Variants in NEK4 observed in about 807,000 individuals in gnomAD.
NEK4 encodes the protein serine/threonine-protein kinase Nek4.
NEK4 carries 86 observed loss-of-function variants against 98.4 expected under a neutral mutation model. The ratio of observed to expected loss-of-function variants is 0.87; its 90% CI spans 0.73 to 1.05. NEK4 has a LOEUF of 1.05. Ranked by LOEUF, NEK4 falls within the 50% of genes least tolerant of loss-of-function variation. NEK4 has a pLI of 0.00. For missense variants in NEK4, 898 were observed against 950.3 expected (o/e 0.94, Z 0.72); for synonymous variants, 328 against 342.2 (o/e 0.96, Z 0.46).
intron 8 of NEK4, among the ~76,000 whole-genome samples, chr3:52,748,503 T>C (rs2097400133): frequency 6.6e-6 from 1 of 152,230 alleles, no homozygotes. Flanking sequence ...TAACTTTTCA[T>C]AGGTTTTCCA....
At chr3:52,722,518 C>T (rs561108016) in intron 15 of NEK4, among the ~76,000 whole-genome samples, 58 of 152,108 alleles carry the variant, frequency 3.8e-4, no homozygotes, top group Non-Finnish European at 4.4e-5. Flanking sequence ...CAAAAAACCA[C>T]AAGACATAAA....
chr3:52,758,914 C>T (rs1219769341), intron 6 of NEK4, among the ~76,000 whole-genome samples: 2 of 151,420 alleles, frequency 1.3e-5, no homozygotes, highest in African/African-American at 4.9e-5. Context: ...ATAGTGAGAC[C>T]CACCTCTACA....
intron 7 of NEK4, 58 bp from the exon 8 acceptor site, chr3:52,749,887 A>G (rs1326199899): frequency 6.4e-6 from 1 of 155,680 alleles, no homozygotes; most frequent in African/African-American, 2.4e-5. Context: ...CATTAGGGAG[A>G]TGCAAATCAC....
At chr3:52,756,401 TAGACATA>T (rs1413654566) in intron 6 of NEK4, among the ~76,000 whole-genome samples, 2 of 152,106 alleles carry the variant, frequency 1.3e-5, no homozygotes, top group South Asian at 4.1e-4. Flanking sequence ...AAACAGACAT[TAGACATA>T]GAAACCAATG....
intron 7 of NEK4, among the ~76,000 whole-genome samples, chr3:52,750,994 A>C (rs547262100): frequency 6.6e-6 from 1 of 152,280 alleles, no homozygotes; most frequent in East Asian, 1.9e-4. Context: ...ATCATAGATA[A>C]ACCTTGAAAA....
intron 15 of NEK4, among the ~76,000 whole-genome samples, chr3:52,731,253 A>G (rs2097369363): frequency 6.6e-6 from 1 of 152,226 alleles, no homozygotes; most frequent in Non-Finnish European, 1.5e-5. Context: ...ATTTACAAAC[A>G]TACTTTTCTT....
At chr3:52,756,971 G>A (rs973739480) in intron 6 of NEK4, among the ~76,000 whole-genome samples, 1 of 152,098 alleles carries the variant, frequency 6.6e-6, no homozygotes, top group Non-Finnish European at 1.5e-5. Flanking sequence ...CAAAAAGATA[G>A]CAAACGGCCA....
intron 6 of NEK4, among the ~76,000 whole-genome samples, chr3:52,759,285 C>T (rs1240100778): frequency 6.6e-6 from 1 of 151,668 alleles, no homozygotes; most frequent in Non-Finnish European, 1.5e-5. Context: ...GCTGTGGTCC[C>T]AGCTACTCAG....
intron 15 of NEK4, among the ~76,000 whole-genome samples, chr3:52,729,164 CT>C (rs2097367278): frequency 6.6e-6 from 1 of 152,130 alleles, no homozygotes; most frequent in African/African-American, 2.4e-5. Flanking sequence ...ACCCCCTCCC[CT>C]TTTGAAATCC....
rs919054678 is a variant in NEK4, at chr3:52,766,236, A to G, written c.500T>C (p.Ile167Thr). 13 of 1,614,040 alleles carry G rather than the reference A, an allele frequency of 8.1e-6. No individual in the cohort carries two copies. Among genetic ancestry groups the G allele is most frequent in the African/African-American group, 5.3e-5 (4 of 74,920 alleles). ...ENHCDMASTLIGTPYYMSPEL... is the reference protein window; with the variant it reads ...ENHCDMASTLTGTPYYMSPEL... ...AGGGCTCATGTAGTAGGGTGTGCCAATGAGGGTGCTAGCCATGTCACAGTG... is the reference window on the plus strand; with the variant it reads ...AGGGCTCATGTAGTAGGGTGTGCCAGTGAGGGTGCTAGCCATGTCACAGTG... The change falls in exon 3 of 16, where the codon ATT becomes ACT. Residue 167 changes from isoleucine (I) to threonine (T), a missense_variant. Transcript: ENST00000233027.
rs1285158174 is a variant in NEK4 at position 52,761,019 on chromosome 3, C to A, written c.822-83G>T. On this transcript the variant is annotated intron_variant, in intron 5 of 15. Coordinates refer to ENST00000233027, the MANE Select transcript of NEK4 (RefSeq NM_003157.6). ...AGGTATATGTGGGAGTGTGTGTATA[C>A]AATGAATTCCCTTACAGAACTGCAC... The A allele has an allele frequency of 4.7e-6, 4 of 850,430 alleles. No individual in the cohort carries two copies. In the Admixed American group the frequency reaches 9.8e-5, roughly 21 times the overall value. The allele number at this position is 850,430 out of a possible 1,614,324, so 52.7% of individuals were successfully genotyped here. A position where few individuals can be genotyped will look rare whatever the true frequency, so the allele number is the denominator to read the frequency against.
chr3:52,724,027 G>C (rs2154102366), intron 15 of NEK4, among the ~76,000 whole-genome samples: 1 of 152,230 alleles, frequency 6.6e-6, no homozygotes, highest in East Asian at 1.9e-4. Flanking sequence ...GAGGTCAGGA[G>C]TTCAAGACCA....
At chr3:52,720,772 A>G (rs1302059413) in intron 15 of NEK4, among the ~76,000 whole-genome samples, 1 of 152,264 alleles carries the variant, frequency 6.6e-6, no homozygotes, top group African/African-American at 2.4e-5. Flanking sequence ...AGTGAAGTTC[A>G]TCAAGCTAAA....
chr3:52,717,234 C>T (rs1055209863), intron 15 of NEK4, among the ~76,000 whole-genome samples: 3 of 151,866 alleles, frequency 2.0e-5, no homozygotes, highest in African/African-American at 7.3e-5. Context: ...ATGGTGAAAC[C>T]GCATCTCTAC....
chr3:52,752,917 A>AT (rs1553616670), intron 6 of NEK4, among the ~76,000 whole-genome samples: 1,033 of 83,842 alleles, frequency 0.012, 39 homozygotes, highest in African/African-American at 0.017. Flanking sequence ...AAAAAAAAAA[A>AT]ATATATATAT....
chr3:52,710,898 T>C lies in NEK4; in HGVS notation c.*879A>G, dbSNP rs905763987. 5 of 152,478 alleles carry C rather than the reference T, an allele frequency of 3.3e-5. No individual in the cohort carries two copies. Among genetic ancestry groups the C allele is most frequent in the African/African-American group, 1.2e-4 (5 of 41,464 alleles). The allele number at this position is 152,478 out of a possible 1,614,324, so 9.4% of individuals were successfully genotyped here. On this transcript the variant is annotated 3_prime_UTR_variant, in exon 16 of 16. Transcript: ENST00000233027. ...TTTCCTAGATGGGTATTACCTCTTA[T>C]TAAACAACTAATAAAATATGTGCTA...
At position 52,763,471 on chromosome 3, in the gene NEK4, T is replaced by C. The variant is rs149674873; in HGVS notation, c.820A>G (p.Ile274Val). Residue 274 changes from isoleucine to valine, a missense_variant and splice_region_variant, in exon 5 of 16, where the codon ATA becomes GTA. Ile to Val is a conservative substitution (Grantham distance 29). Coordinates refer to ENST00000233027, the MANE Select transcript of NEK4 (RefSeq NM_003157.6). ...CTATTTGCAAGGGAAGTATCTTACATCTTTGTGGCCTCCAAAAAGAAGGAG... is the reference window on the plus strand; with the variant it reads ...CTATTTGCAAGGGAAGTATCTTACACCTTTGTGGCCTCCAAAAAGAAGGAG... Reference protein sequence around the residue: ...QISFFLEATKIKTSKNNIKNG... With the variant: ...QISFFLEATKVKTSKNNIKNG... 601 of 1,612,736 alleles carry C rather than the reference T, an allele frequency of 3.7e-4. No homozygotes were observed. The highest frequency in any genetic ancestry group is 4.9e-4 in the Non-Finnish European group (573 of 1,179,492).
At chr3:52,751,455 CAAA>C (rs11426928) in intron 7 of NEK4, among the ~76,000 whole-genome samples, 7 of 125,556 alleles carry the variant, frequency 5.6e-5, no homozygotes, top group African/African-American at 1.2e-4. Context: ...GACTCTGTCT[CAAA>C]AAAAAAAAAA....
At chr3:52,741,548 A>C in intron 12 of NEK4, 49 bp from the exon 13 acceptor site, 2 of 1,163,396 alleles carry the variant, frequency 1.7e-6, no homozygotes, top group Non-Finnish European at 2.6e-6. Context: ...ACACAACCAG[A>C]ATGTGATACT....
Sources: allele counts gnomAD v4.1 joint callset (sites outside exome capture counted in the v4.1 genomes callset), GRCh38; gene constraint gnomAD v4.1.1; transcripts MANE v1.5; gene names NCBI Gene and HGNC (gene_info 2026-07-23, HGNC 2026-07-21).